Variants in GRIA3 observed in about 807,000 individuals in gnomAD.
The protein encoded by GRIA3 is glutamate receptor 3.
A neutral mutation model predicts 63.0 loss-of-function variants in GRIA3; 3 were observed. The ratio of observed to expected loss-of-function variants is 0.05; its 90% CI spans 0.02 to 0.12. GRIA3 has a LOEUF of 0.12. Among genes scored for constraint, GRIA3 ranks in the 10% least tolerant of loss-of-function variants. GRIA3 has a pLI of 1.00. For synonymous variants in GRIA3, 274 were observed against 257.9 expected (o/e 1.06, Z -0.60); for missense variants, 347 against 700.9 (o/e 0.50, Z 5.70).
intron 10 of GRIA3, among the ~76,000 whole-genome samples, chrX:123,406,971 C>T (rs1244327984): frequency 1.8e-5 from 2 of 111,949 alleles, no homozygotes; most frequent in African/African-American, 3.2e-5. Context: ...TTGCTTACAG[C>T]TCACCCTTGC....
chrX:123,462,288 T>C (rs2045797251), intron 12 of GRIA3, among the ~76,000 whole-genome samples: 1 of 111,808 alleles, frequency 8.9e-6, no homozygotes, highest in Non-Finnish European at 1.9e-5. Flanking sequence ...AATCTTCCAA[T>C]AGTCTCCTAT....
intron 12 of GRIA3, among the ~76,000 whole-genome samples, chrX:123,451,688 A>C (rs1272207713): frequency 9.2e-6 from 1 of 108,966 alleles, no homozygotes; most frequent in East Asian, 2.9e-4. Flanking sequence ...AGAGGAGTCA[A>C]GGATGACTAA....
At chrX:123,314,698 A>C (rs780336186) in intron 3 of GRIA3, among the ~76,000 whole-genome samples, 2 of 112,077 alleles carry the variant, frequency 1.8e-5, no homozygotes, top group Non-Finnish European at 3.8e-5. Context: ...ACAGGGAGAC[A>C]AAGTTCAAAT....
chrX:123,281,818 G>T (rs1335130950), intron 3 of GRIA3, among the ~76,000 whole-genome samples: 3 of 111,835 alleles, frequency 2.7e-5, no homozygotes, highest in African/African-American at 9.8e-5. Flanking sequence ...CTAAAGAATG[G>T]CAGCTGCTTA....
intron 5 of GRIA3, among the ~76,000 whole-genome samples, chrX:123,371,162 T>C (rs1454746020): frequency 9.1e-6 from 1 of 110,159 alleles, no homozygotes; most frequent in Non-Finnish European, 1.9e-5. Flanking sequence ...GGCTTATTTC[T>C]CTTAGCATAA....
chrX:123,344,683 T>C lies in GRIA3; in HGVS notation c.697-10227T>C, dbSNP rs190237293. ...GAGTCCTGGTTAAAACAACAATGTT[T>C]CAGAAATTCTTTTTTGGCTCCTTTC... On this transcript the variant is annotated intron_variant, in intron 4 of 15. Transcript: ENST00000620443. Among the ~76,000 whole-genome samples the C allele has an allele frequency of 3.9e-4, 44 of 111,508 alleles. No individual in the cohort carries two copies. The East Asian group carries it at 5.7e-3, about 14-fold the overall frequency.
intron 5 of GRIA3, among the ~76,000 whole-genome samples, chrX:123,380,566 T>G (rs1336621066): frequency 9.1e-6 from 1 of 110,030 alleles, no homozygotes; most frequent in Non-Finnish European, 1.9e-5. Flanking sequence ...GACGAGTAGA[T>G]TGCAAAAATT....
intron 3 of GRIA3, among the ~76,000 whole-genome samples, chrX:123,277,976 C>A (rs768680424): frequency 1.7e-4 from 19 of 111,771 alleles, no homozygotes; most frequent in Admixed American, 7.6e-4. Context: ...CTTTGAAATT[C>A]GAATCAAGCT....
chrX:123,378,786 A>C (rs2045303336), intron 5 of GRIA3, among the ~76,000 whole-genome samples: 1 of 111,648 alleles, frequency 9.0e-6, no homozygotes, highest in African/African-American at 3.3e-5. Flanking sequence ...ATACCTTAAA[A>C]TAATGAGATA....
chrX:123,259,355 C>G (rs1335193257), intron 3 of GRIA3, among the ~76,000 whole-genome samples: 5 of 111,341 alleles, frequency 4.5e-5, no homozygotes, highest in African/African-American at 1.6e-4. Flanking sequence ...TAGCCTCATC[C>G]CATTCACCCA....
At chrX:123,385,536 G>T (rs1387267439) in intron 5 of GRIA3, among the ~76,000 whole-genome samples, 1 of 111,985 alleles carries the variant, frequency 8.9e-6, no homozygotes, top group Non-Finnish European at 1.9e-5. Context: ...AATGTCATTT[G>T]CAGTTTGATG....
At chrX:123,377,279 T>G (rs774136886) in intron 5 of GRIA3, among the ~76,000 whole-genome samples, 1 of 111,885 alleles carries the variant, frequency 8.9e-6, no homozygotes, top group Non-Finnish European at 1.9e-5. Context: ...TGTTGGTCAC[T>G]TCTGTTATAT....
At chrX:123,295,135 A>G (rs1233625494) in intron 3 of GRIA3, among the ~76,000 whole-genome samples, 1 of 111,713 alleles carries the variant, frequency 9.0e-6, no homozygotes, top group African/African-American at 3.2e-5. Flanking sequence ...GCTGTGTTAA[A>G]TAATTTCATA....
chrX:123,195,664 G>A (rs1212077771), intron 2 of GRIA3, among the ~76,000 whole-genome samples: 6 of 111,445 alleles, frequency 5.4e-5, no homozygotes, highest in African/African-American at 1.6e-4. Flanking sequence ...GGACCTAGAA[G>A]GACTGGGAGT....
chrX:123,422,620 G>A (rs1396745812), intron 11 of GRIA3, among the ~76,000 whole-genome samples: 1 of 112,063 alleles, frequency 8.9e-6, no homozygotes, highest in Non-Finnish European at 1.9e-5. Context: ...CTTAGCAGTT[G>A]TGTAACCTGG....
chrX:123,265,714 TA>T (rs1427188612), intron 3 of GRIA3, among the ~76,000 whole-genome samples: 1 of 112,194 alleles, frequency 8.9e-6, no homozygotes, highest in African/African-American at 3.2e-5. Context: ...AGTTTGAAAT[TA>T]ACTCTTAAGG....
At position 123,204,806 on chromosome X, in the gene GRIA3, A is replaced by C. The variant is rs185312744; in HGVS notation, c.268+18816A>C. On this transcript the variant is annotated intron_variant, in intron 2 of 15. Coordinates refer to ENST00000620443, the MANE Select transcript of GRIA3 (RefSeq NM_007325.5). The stretch of plus-strand genomic sequence containing the variant: ...ATTATTATTATGAATGTCAGCTTTG[A>C]CCTGGAAATCCCATAGCTCATCTTA... 700 of 302,794 alleles carry C rather than the reference A, an allele frequency of 2.3e-3. 2 individuals carry two copies. The highest frequency in any genetic ancestry group is 0.013 in the Middle Eastern group (10 of 752). 25.0% of individuals were successfully genotyped at this position (302,794 alleles called of 1,213,427 possible).
intron 11 of GRIA3, among the ~76,000 whole-genome samples, chrX:123,421,889 G>A (rs2045565944): frequency 8.9e-6 from 1 of 112,106 alleles, no homozygotes; most frequent in African/African-American, 3.2e-5. Flanking sequence ...TACAAACCAA[G>A]CTCCAATTCC....
At chrX:123,482,585 T>G in intron 14 of GRIA3, 1 of 432,441 alleles carries the variant, frequency 2.3e-6, no homozygotes, top group Non-Finnish European at 4.1e-6. Flanking sequence ...TGAAAGGACA[T>G]TTAGGTGAGG....
Sources: allele counts gnomAD v4.1 joint callset (sites outside exome capture counted in the v4.1 genomes callset), GRCh38; gene constraint gnomAD v4.1.1; transcripts MANE v1.5; gene names NCBI Gene and HGNC (gene_info 2026-07-23, HGNC 2026-07-21).